HECTD4: variants seen among roughly 807,000 people sequenced by gnomAD.
The protein encoded by HECTD4 is HECT domain E3 ubiquitin protein ligase 4.
A neutral mutation model predicts 471.5 loss-of-function variants in HECTD4; 114 were observed. That is an observed-to-expected ratio of 0.24 (90% CI 0.21 to 0.28). The LOEUF (loss-of-function observed/expected upper bound fraction) is 0.28. Ranked by LOEUF, HECTD4 falls within the 10% of genes least tolerant of loss-of-function variation. The pLI, the probability that HECTD4 is intolerant of heterozygous loss-of-function variation, is 1.00. For synonymous variants in HECTD4, 2,012 were observed against 2,256.0 expected (o/e 0.89, Z 3.07); for missense variants, 3,866 against 5,651.5 (o/e 0.68, Z 10.13).
At chr12:112,244,725 T>C (rs1273119419) in intron 29 of HECTD4, among the ~76,000 whole-genome samples, 2 of 152,198 alleles carry the variant, frequency 1.3e-5, no homozygotes, top group Non-Finnish European at 2.9e-5. Context: ...ATGGCCTTTT[T>C]CCCTGCTTTA....
At chr12:112,200,304 T>C (rs969746301) in intron 55 of HECTD4, among the ~76,000 whole-genome samples, 27 of 152,178 alleles carry the variant, frequency 1.8e-4, no homozygotes, top group African/African-American at 6.5e-4. Flanking sequence ...CAGGTGCCCA[T>C]CACCAAGATC....
intron 4 of HECTD4, among the ~76,000 whole-genome samples, chr12:112,310,620 A>G (rs1393012202): frequency 5.3e-5 from 8 of 152,196 alleles, no homozygotes; most frequent in Admixed American, 5.2e-4. Flanking sequence ...AATTAGTACT[A>G]AAAATGCTGT....
At chr12:112,217,259 A>T (rs1822021378) in intron 45 of HECTD4, 64 bp from the exon 46 acceptor site, 2 of 1,378,938 alleles carry the variant, frequency 1.5e-6, no homozygotes, top group Admixed American at 6.3e-5. Flanking sequence ...ACTCTCTCAA[A>T]GAAGAAAAAA....
Position 112,230,808 on chromosome 12 carries a change from C to T in HECTD4, c.6215G>A (p.Arg2072His). The change falls in exon 40 of 76, where the codon CGT becomes CAT. Residue 2072 changes from arginine (R) to histidine (H), a missense_variant. This residue lies in a region of HECTD4 where 617 missense variants were observed against 915.1 expected (regional missense o/e 0.67). Coordinates refer to ENST00000682272, the MANE Select transcript of HECTD4 (RefSeq NM_001388303.1). The stretch of plus-strand genomic sequence containing the variant: ...TGCCACATGCCCACTGATGAAGGGA[C>T]GCACAGGATCAGTCCTGCAAGTGTC... Reference protein sequence around the residue: ...NSELARTDPVRPFISGHVANS... With the variant: ...NSELARTDPVHPFISGHVANS... 6 of 1,610,006 alleles carry T rather than the reference C, an allele frequency of 3.7e-6. No individual in the cohort carries two copies. The highest frequency in any genetic ancestry group is 5.1e-6 in the Non-Finnish European group (6 of 1,178,200).
At chr12:112,240,900 T>C (rs2033627556) in intron 32 of HECTD4, among the ~76,000 whole-genome samples, 1 of 152,256 alleles carries the variant, frequency 6.6e-6, no homozygotes, top group Non-Finnish European at 1.5e-5. Context: ...TAGGGCCGAT[T>C]CTATACCAAT....
rs1294842711 is a variant in HECTD4, at chr12:112,185,357, G to T, written c.9609C>A (p.Leu3203=). Residue 3203 remains leucine (L), a synonymous_variant, in exon 61 of 76, where the codon CTC becomes CTA. Coordinates refer to ENST00000682272, the MANE Select transcript of HECTD4 (RefSeq NM_001388303.1). The part of the protein sequence containing the change: ...HPAGLSSSIA[L]QLNPCLAMLM... ...GCATGGCCAGGCAGGGGTTCAGCTG[G>T]AGGGCGATTGAGGAGGACAGGCCAG... 1 of 1,606,536 alleles carries T rather than the reference G, an allele frequency of 6.2e-7. No individual in the cohort carries two copies.
At chr12:112,301,568 T>C (rs778012269) in intron 7 of HECTD4, among the ~76,000 whole-genome samples, 69 of 152,248 alleles carry the variant, frequency 4.5e-4, no homozygotes, top group Admixed American at 3.6e-3. Context: ...TTTAGATGGA[T>C]GGCTCCACCA....
intron 11 of HECTD4, among the ~76,000 whole-genome samples, chr12:112,271,222 TA>T (rs1273451560): frequency 2.0e-5 from 3 of 152,210 alleles, no homozygotes; most frequent in Non-Finnish European, 2.9e-5. Flanking sequence ...CTACAGATAC[TA>T]ATTACTGTGG....
At chr12:112,200,880 C>CGTGTGTGT (rs778305113) in intron 54 of HECTD4, 82 bp from the exon 55 acceptor site, 20 of 1,163,442 alleles carry the variant, frequency 1.7e-5, no homozygotes, top group Non-Finnish European at 4.8e-6. Context: ...TGTGTGCGTG[C>CGTGTGTGT]GTGCGTGTGT....
intron 13 of HECTD4, chr12:112,267,500 T>A (rs2135613830): frequency 6.5e-6 from 1 of 154,552 alleles, no homozygotes; most frequent in South Asian, 2.0e-4. Flanking sequence ...TAAAAAGGCA[T>A]TTGAACCTAA....
chr12:112,237,244 C>A, intron 34 of HECTD4, 146 bp from the exon 35 acceptor site: 1 of 579,124 alleles, frequency 1.7e-6, no homozygotes, highest in East Asian at 3.0e-5. Flanking sequence ...ATAATGTCTA[C>A]ACATAAAAAG....
At chr12:112,252,353 A>G (rs1181474521) in intron 23 of HECTD4, 71 bp downstream of exon 23, 1 of 1,446,778 alleles carries the variant, frequency 6.9e-7, no homozygotes, top group Non-Finnish European at 9.2e-7. Flanking sequence ...TCCAAGGCAA[A>G]TATGCTGTAT....
intron 2 of HECTD4, among the ~76,000 whole-genome samples, chr12:112,314,965 C>T (rs2035448675): frequency 6.6e-6 from 1 of 152,210 alleles, no homozygotes; most frequent in African/African-American, 2.4e-5. Context: ...TTTGGAAAAA[C>T]AGCTAACTAA....
Position 112,279,375 on chromosome 12 carries a change from A to G in HECTD4, c.1540T>C (p.Cys514Arg). The G allele has an allele frequency of 6.3e-7, 1 of 1,585,680 alleles. No homozygotes were observed. The highest frequency in any genetic ancestry group is 8.5e-7 in the Non-Finnish European group (1 of 1,173,442). ...CGCAGCATTTTTAGAGGCAGCCCAC[A>G]GCTAGTATTTGCTGGAGAAAGGAAT... is the stretch of plus-strand genomic sequence containing the variant. ...LKEDQAANTSCGLPLKMLRKT... is the reference protein window; with the variant it reads ...LKEDQAANTSRGLPLKMLRKT... The change falls in exon 9 of 76, where the codon TGT (cysteine) becomes CGT (arginine). Residue 514 changes from cysteine (C) to arginine (R), a missense_variant. Cys to Arg is a radical substitution (Grantham distance 180). This residue lies in a region of HECTD4 where 2 missense variants were observed against 16.5 expected (regional missense o/e 0.12). Coordinates refer to ENST00000682272, the MANE Select transcript of HECTD4 (RefSeq NM_001388303.1).
intron 55 of HECTD4, among the ~76,000 whole-genome samples, chr12:112,195,403 A>G (rs1205034866): frequency 6.6e-6 from 1 of 152,220 alleles, no homozygotes; most frequent in African/African-American, 2.4e-5. Flanking sequence ...TGGTAAGTCT[A>G]TACAATGGGG....
At chr12:112,251,667 T>TA (rs2033891994) in intron 23 of HECTD4, among the ~76,000 whole-genome samples, 1 of 152,270 alleles carries the variant, frequency 6.6e-6, no homozygotes. Context: ...CTGGAGAGTC[T>TA]TAGCTTGGTT....
intron 43 of HECTD4, among the ~76,000 whole-genome samples, chr12:112,227,569 T>C (rs1448855993): frequency 1.3e-5 from 2 of 152,248 alleles, no homozygotes; most frequent in African/African-American, 2.4e-5. Flanking sequence ...GTGCATGTCC[T>C]AGTTTTCCCA....
At chr12:112,220,377 G>C (rs1667033660) in intron 44 of HECTD4, among the ~76,000 whole-genome samples, 1 of 151,954 alleles carries the variant, frequency 6.6e-6, no homozygotes, top group African/African-American at 2.4e-5. Context: ...CACACACACA[G>C]TAAAGAGCAC....
Position 112,163,667 on chromosome 12 carries a change from A to G in HECTD4, c.12772T>C (p.Cys4258Arg). ...LRLRELQNVE[C>R]VTAVRAGLGS... ...AGGCCGGCCCGCACGGCCGTCACGC[A>G]CTCCACATTCTGCAGCTCCCGCAGC... Residue 4258 changes from cysteine (C) to arginine (R), a missense_variant, in exon 74 of 76, where the codon TGC becomes CGC. Cys to Arg is a radical substitution (Grantham distance 180). This residue lies in a region of HECTD4 where 715 missense variants were observed against 1,087.6 expected (regional missense o/e 0.66). Transcript: ENST00000682272. The surrounding 1 kb of genome is among the most constrained non-coding windows in gnomAD (Gnocchi z 8.2). 6.5e-7 allele frequency: 1 copy of G among 1,533,860 alleles called. No individual in the cohort carries two copies. The highest frequency in any genetic ancestry group is 8.8e-7 in the Non-Finnish European group (1 of 1,140,000).
Sources: allele counts gnomAD v4.1 joint callset (sites outside exome capture counted in the v4.1 genomes callset), GRCh38; gene constraint gnomAD v4.1.1; regional missense constraint gnomAD v4.1.1; non-coding constraint Gnocchi (gnomAD v3.1); transcripts MANE v1.5; gene names NCBI Gene and HGNC (gene_info 2026-07-23, HGNC 2026-07-21).